Variants in GABRR3 observed in about 807,000 individuals in gnomAD.
The protein encoded by GABRR3 is gamma-aminobutyric acid receptor subunit rho-3.
GABRR3 carries 29 observed loss-of-function variants against 43.2 expected under a neutral mutation model. The ratio of observed to expected loss-of-function variants is 0.67; its 90% CI spans 0.50 to 0.92. GABRR3 has a LOEUF of 0.92. GABRR3 is among the 40% of genes least tolerant of loss of function. The pLI is 0.00. For synonymous variants in GABRR3, 206 were observed against 195.9 expected, an observed-to-expected ratio of 1.05 and a Z score of -0.43; for missense variants, 576 against 572.3, an observed-to-expected ratio of 1.01 and a Z score of -0.07.
At chr3:98,003,265 T>G (rs911089457) in intron 7 of GABRR3, among the ~76,000 whole-genome samples, 1 of 152,070 alleles carries the variant, frequency 6.6e-6, no homozygotes, top group Non-Finnish European at 1.5e-5. Flanking sequence ...ATATAACTAC[T>G]GTGAGGTTAA....
At chr3:98,008,612 T>G (rs1381309731) in intron 6 of GABRR3, among the ~76,000 whole-genome samples, 1 of 152,154 alleles carries the variant, frequency 6.6e-6, no homozygotes, top group South Asian at 2.1e-4. Context: ...GGAACGTGAA[T>G]TCCAGAGCTT....
intron 8 of GABRR3, chr3:97,997,623 C>A (rs1706578455): frequency 1.3e-5 from 2 of 152,084 alleles, no homozygotes; most frequent in African/African-American, 2.4e-5. Flanking sequence ...CATATTGATA[C>A]AGAAATAGGT....
rs1213040448 is a variant in GABRR3, at chr3:98,007,071, G to C, written c.754+693C>G. ...AGACAGATTCCCCACCCTTTTCCTGGTGAGGCACTCACACAACAAAGCAGT... is the reference window on the plus strand; with the variant it reads ...AGACAGATTCCCCACCCTTTTCCTGCTGAGGCACTCACACAACAAAGCAGT... On this transcript the variant is annotated intron_variant, in intron 7 of 9. Transcript: ENST00000621172. Among the ~76,000 whole-genome samples, 3 of 152,080 alleles carry C rather than the reference G, an allele frequency of 2.0e-5. No homozygotes were observed. The East Asian group carries it at 5.8e-4, about 29-fold the overall frequency.
At chr3:97,990,775 AG>A (rs1409757326) in intron 9 of GABRR3, among the ~76,000 whole-genome samples, 1 of 150,854 alleles carries the variant, frequency 6.6e-6, no homozygotes, top group Non-Finnish European at 1.5e-5. Flanking sequence ...GGTGGTTTCC[AG>A]GGCCTGGGGG....
In GABRR3 at chr3:98,005,419, C is replaced by T. The variant is rs572388971; in HGVS notation, c.754+2345G>A. Among the ~76,000 whole-genome samples, 4 of 152,140 alleles carry T rather than the reference C, an allele frequency of 2.6e-5. No homozygotes were observed. In the South Asian group the frequency reaches 8.3e-4, roughly 32 times the overall value. ...TTACACAAAGCATGTACATTTGAAC[C>T]TAATTCTAATTTTTTTTCATTTTTC... On this transcript the variant is annotated intron_variant, in intron 7 of 9. Transcript: ENST00000621172.
intron 4 of GABRR3, among the ~76,000 whole-genome samples, chr3:98,013,150 A>ATGGTAGTTCTCAAAGTTTAGTG: frequency 6.6e-6 from 1 of 152,326 alleles, no homozygotes; most frequent in East Asian, 1.9e-4. Context: ...ATATTGTGAA[A>ATGGTAGTTCTCAAAGTTTAGTG]TGGTAGTTCT....
chr3:97,986,904 C>A (rs1315246948), exon 10 of GABRR3: 1 of 1,611,586 alleles, frequency 6.2e-7, no homozygotes, highest in Non-Finnish European at 8.5e-7. Context: ...GAAGTCTGGT[C>A]CATGTCAATC....
chr3:98,034,034 A>C (rs886937318), intron 2 of GABRR3, among the ~76,000 whole-genome samples: 1 of 152,090 alleles, frequency 6.6e-6, no homozygotes, highest in Non-Finnish European at 1.5e-5. Flanking sequence ...AACATCTGTC[A>C]CCCCATTGGC....
In GABRR3 at chr3:98,025,689, C is replaced by T. The variant is rs1427230775; in HGVS notation, c.126-10G>A. 1.3e-6 allele frequency: 2 copies of T among 1,575,196 alleles called. No individual in the cohort carries two copies. Among genetic ancestry groups the T allele is most frequent in the Non-Finnish European group, 1.7e-6 (2 of 1,160,282 alleles). On this transcript the variant is annotated splice_polypyrimidine_tract_variant and intron_variant, in intron 2 of 9. Coordinates refer to ENST00000621172, the Ensembl canonical transcript of GABRR3. ...TCTAGTTTCTTGTTTGCTGTTCCCC[C>T]AAAGGGAAAAAAAAAACTTCTGAGA...
At chr3:98,018,392 T>C (rs1443295532) in intron 3 of GABRR3, among the ~76,000 whole-genome samples, 1 of 152,144 alleles carries the variant, frequency 6.6e-6, no homozygotes, top group Non-Finnish European at 1.5e-5. Flanking sequence ...ATCCATTTAA[T>C]GAGAAAATAC....
At position 97,993,890 on chromosome 3, in the gene GABRR3, G is replaced by C. The variant is rs184994378; in HGVS notation, c.908-842C>G. ...AGAGGTAAGAAGATCAAGGTTCCAG[G>C]GGGAAAATGGAGAACGAAGTGACTC... On this transcript the variant is annotated intron_variant, in intron 8 of 9. Transcript: ENST00000621172. Among the ~76,000 whole-genome samples, 764 of 152,204 alleles carry C rather than the reference G, an allele frequency of 5.0e-3. 5 individuals carry two copies. The highest frequency in any genetic ancestry group is 0.017 in the African/African-American group (720 of 41,518).
At position 97,994,280 on chromosome 3, in the gene GABRR3, T is replaced by G. The variant is rs574187506; in HGVS notation, c.908-1232A>C. On this transcript the variant is annotated intron_variant, in intron 8 of 9. Transcript: ENST00000621172. ...GGCTCTCATCTGAGAGAGCCCCATA[T>G]CAAACACAATGACAATTCTATAGAG... Among the ~76,000 whole-genome samples, 3 of 152,254 alleles carry G rather than the reference T, an allele frequency of 2.0e-5. No individual in the cohort carries two copies. The South Asian group carries it at 6.2e-4, about 32-fold the overall frequency.
chr3:97,997,428 T>G (rs1706576045), intron 8 of GABRR3: 1 of 152,094 alleles, frequency 6.6e-6, no homozygotes, highest in Non-Finnish European at 1.5e-5. Context: ...TTTTGAAAAA[T>G]TTAAAAGCTA....
At chr3:97,991,728 T>A (rs1044973296) in intron 9 of GABRR3, among the ~76,000 whole-genome samples, 2 of 152,250 alleles carry the variant, frequency 1.3e-5, no homozygotes, top group South Asian at 4.1e-4. Flanking sequence ...AGATCTATAC[T>A]GGGGGCTGAC....
At chr3:98,033,755 G>T (rs1016889080) in intron 2 of GABRR3, among the ~76,000 whole-genome samples, 6 of 152,160 alleles carry the variant, frequency 3.9e-5, no homozygotes, top group South Asian at 2.1e-4. Context: ...TAATTGCTAT[G>T]ACGAAGACTG....
At chr3:98,019,520 G>A (rs939039943) in intron 3 of GABRR3, among the ~76,000 whole-genome samples, 1 of 152,044 alleles carries the variant, frequency 6.6e-6, no homozygotes, top group African/African-American at 2.4e-5. Flanking sequence ...GAATACCTCA[G>A]TTACATCTTA....
At chr3:98,023,513 A>G (rs138788512) in intron 3 of GABRR3, among the ~76,000 whole-genome samples, 2 of 152,264 alleles carry the variant, frequency 1.3e-5, no homozygotes, top group African/African-American at 4.8e-5. Context: ...AAGATCTTTT[A>G]TAGAATCACA....
intron 3 of GABRR3, among the ~76,000 whole-genome samples, chr3:98,021,052 A>G (rs908754957): frequency 1.1e-4 from 16 of 150,566 alleles, no homozygotes; most frequent in African/African-American, 3.9e-4. Context: ...TTTAGTAGAG[A>G]CTGGGTTTCA....
intron 4 of GABRR3, among the ~76,000 whole-genome samples, chr3:98,016,735 A>G (rs1461359179): frequency 6.6e-6 from 1 of 152,218 alleles, no homozygotes; most frequent in East Asian, 1.9e-4. Context: ...CTGAAAACAA[A>G]TATGTAGGTG....
Sources: allele counts gnomAD v4.1 joint callset (sites outside exome capture counted in the v4.1 genomes callset), GRCh38; gene constraint gnomAD v4.1.1; transcripts MANE v1.5; gene names NCBI Gene and HGNC (gene_info 2026-07-23, HGNC 2026-07-21).